G3BP2: variants seen among roughly 807,000 people sequenced by gnomAD.
G3BP2 encodes the protein ras GTPase-activating protein-binding protein 2.
In G3BP2, 11 loss-of-function variants were observed where a neutral mutation model predicts 56.7. The observed-to-expected ratio is 0.19, with a 90% CI of 0.12 to 0.32. The LOEUF (loss-of-function observed/expected upper bound fraction) is 0.32, where lower values mean the gene tolerates loss of function less well. Among genes scored for constraint, G3BP2 ranks in the 10% least tolerant of loss-of-function variants. G3BP2 has a pLI of 1.00. For missense variants in G3BP2, 340 were observed against 610.9 expected (o/e 0.56, Z 4.67); for synonymous variants, 165 against 191.6 (o/e 0.86, Z 1.15).
chr4:75,698,127 A>G (rs1719198116), intron 3 of G3BP2, among the ~76,000 whole-genome samples: 1 of 152,226 alleles, frequency 6.6e-6, no homozygotes, highest in South Asian at 2.1e-4. Flanking sequence ...CTTTGCAGCT[A>G]TGATTAAATT....
At chr4:75,700,711 G>A (rs986237435) in intron 3 of G3BP2, among the ~76,000 whole-genome samples, 4 of 149,500 alleles carry the variant, frequency 2.7e-5, no homozygotes, top group South Asian at 2.1e-4. Context: ...GAGCCACTGC[G>A]CCCAGCTGAG....
upstream of G3BP2, among the ~76,000 whole-genome samples, chr4:75,677,481 G>A (rs1414824626): frequency 1.3e-5 from 2 of 152,040 alleles, no homozygotes; most frequent in African/African-American, 4.8e-5. Context: ...TGAGGCAGGA[G>A]AATCACTTGA....
intron 4 of G3BP2, among the ~76,000 whole-genome samples, chr4:75,657,266 A>C (rs1732189660): frequency 6.6e-6 from 1 of 152,232 alleles, no homozygotes; most frequent in African/African-American, 2.4e-5. Flanking sequence ...TAGAAAAGAA[A>C]CCAAAAGAAC....
intron 3 of G3BP2, among the ~76,000 whole-genome samples, chr4:75,682,477 A>G (rs1400498480): frequency 1.3e-5 from 2 of 151,918 alleles, no homozygotes; most frequent in Non-Finnish European, 2.9e-5. Flanking sequence ...ATATTTTTGG[A>G]TAGCAGTTGA....
chr4:75,705,498 T>C (rs1719511421), intron 3 of G3BP2, among the ~76,000 whole-genome samples: 1 of 152,164 alleles, frequency 6.6e-6, no homozygotes, highest in African/African-American at 2.4e-5. Context: ...AAGCTTATTT[T>C]GAAAAATAAA....
Position 75,645,427 on chromosome 4 carries a change from G to C in G3BP2, c.*3C>G. ...CTGCCAAGACTTTGCCAACAGTGGAGCTTCAGCGACGCTGTCCTGTGAAGC... is the reference window on the plus strand; with the variant it reads ...CTGCCAAGACTTTGCCAACAGTGGACCTTCAGCGACGCTGTCCTGTGAAGC... On this transcript the variant is annotated 3_prime_UTR_variant, in exon 12 of 12. Transcript: ENST00000359707. The C allele has an allele frequency of 1.2e-6, 2 of 1,610,268 alleles. No homozygotes were observed. The highest frequency in any genetic ancestry group is 1.1e-5 in the South Asian group (1 of 90,966).
In G3BP2 at chr4:75,673,281, C is replaced by T. The variant is rs760982412; in HGVS notation, c.-98G>A. Reference sequence around the variant, plus strand: ...CGCTGAGGACCGGGTGCGGCGGGTTCTTATTGCTCGCCGCCCCCTTCCTCC... The same window carrying T: ...CGCTGAGGACCGGGTGCGGCGGGTTTTTATTGCTCGCCGCCCCCTTCCTCC... On this transcript the variant is annotated 5_prime_UTR_variant, in exon 1 of 12. Coordinates refer to ENST00000359707, the MANE Select transcript of G3BP2 (RefSeq NM_203505.3). 1.8e-4 allele frequency: 224 copies of T among 1,222,154 alleles called. No individual in the cohort carries two copies. The highest frequency in any genetic ancestry group is 3.2e-4 in the Middle Eastern group (1 of 3,170). The allele number at this position is 1,222,154 out of a possible 1,614,324, so 75.7% of individuals were successfully genotyped here.
intron 2 of G3BP2, chr4:75,661,709 A>T (rs1732577441): frequency 2.1e-6 from 1 of 466,472 alleles, no homozygotes; most frequent in Non-Finnish European, 3.9e-6. Flanking sequence ...ATATATAGAT[A>T]TGAATGTGTT....
intron 3 of G3BP2, 141 bp from the exon 4 acceptor site, chr4:75,657,871 G>GC (rs1181279172): frequency 1.8e-6 from 1 of 570,532 alleles, no homozygotes; most frequent in Non-Finnish European, 3.1e-6. Context: ...ACCATGCTGT[G>GC]CATCACTGCC....
At chr4:75,655,737 C>A (rs1277091659) in intron 6 of G3BP2, 31 bp downstream of exon 6, 1 of 1,188,126 alleles carries the variant, frequency 8.4e-7, no homozygotes, top group African/African-American at 1.5e-5. Context: ...ATAGTTCAGA[C>A]CAAATTTAAC....
intron 8 of G3BP2, among the ~76,000 whole-genome samples, chr4:75,650,638 T>C (rs1219961982): frequency 6.6e-6 from 1 of 152,276 alleles, no homozygotes; most frequent in East Asian, 1.9e-4. Flanking sequence ...AGTTATAAAA[T>C]GAATATTTTT....
chr4:75,704,074 C>T (rs548005517), intron 3 of G3BP2, among the ~76,000 whole-genome samples: 46 of 150,450 alleles, frequency 3.1e-4, no homozygotes, highest in African/African-American at 1.0e-3. Context: ...GCTGGAGTGC[C>T]GTGGTGTGGT....
chr4:75,674,527 A>T (rs908051540), upstream of G3BP2, among the ~76,000 whole-genome samples: 13 of 151,834 alleles, frequency 8.6e-5, no homozygotes, highest in Non-Finnish European at 1.9e-4. Context: ...ATATTTGGGC[A>T]GACCATCACT....
chr4:75,668,194 A>C (rs1374466092), intron 1 of G3BP2, among the ~76,000 whole-genome samples: 4 of 152,258 alleles, frequency 2.6e-5, no homozygotes. Flanking sequence ...ACATACATGC[A>C]GATTAGAAAA....
chr4:75,702,849 C>T (rs1265345363), intron 3 of G3BP2, among the ~76,000 whole-genome samples: 2 of 152,082 alleles, frequency 1.3e-5, no homozygotes, highest in Non-Finnish European at 1.5e-5. Context: ...GTAAATATAT[C>T]AACAGAAGGA....
Position 75,643,977 on chromosome 4 carries a change from TGTC to T in G3BP2, c.*1450_*1452del, listed in dbSNP as rs1339604393. 6.6e-6 allele frequency: 1 copy of T among 152,624 alleles called. No individual in the cohort carries two copies. Among genetic ancestry groups the T allele is most frequent in the Non-Finnish European group, 1.5e-5 (1 of 68,036 alleles). The allele number at this position is 152,624 out of a possible 1,614,324, so 9.5% of individuals were successfully genotyped here. On this transcript the variant is annotated 3_prime_UTR_variant, in exon 12 of 12. Transcript: ENST00000359707. ...TAAAGATTCATGTAAAAATAAAAGA[TGTC>T]GTCCCAGACTTAAATTCAGGAGCCA...
chr4:75,655,184 T>C lies in G3BP2; in HGVS notation c.608A>G (p.Glu203Gly), dbSNP rs146775757. ...SHEPEPEPES[E>G]TKTEELKPQV... ...TGGTTTCAGCTCTTCAGTCTTTGTT[T>C]CAGATTCTGGCTCAGGTTCAGGTTC... The change falls in exon 7 of 12, where the codon GAA becomes GGA. Residue 203 changes from glutamate to glycine, a missense_variant. This residue lies in a region of G3BP2 where 224 missense variants were observed against 332.5 expected (regional missense o/e 0.67). Transcript: ENST00000359707. 23 of 1,613,704 alleles carry C rather than the reference T, an allele frequency of 1.4e-5. 1 individual carries two copies. In the Admixed American group the frequency reaches 3.5e-4, roughly 25 times the overall value.
At position 75,682,879 on chromosome 4, in the gene G3BP2, A is replaced by G. The variant is rs185922995; in HGVS notation, c.-24-20830T>C. ...TGTGCCTGTAATCCTAGCTACTTGG[A>G]AGGCTGAAGCAGGAGAATTGCTTGA... On this transcript the variant is annotated intron_variant, in intron 3 of 3. Coordinates refer to the G3BP2 transcript ENST00000499709. Among the ~76,000 whole-genome samples, 35 of 151,994 alleles carry G rather than the reference A, an allele frequency of 2.3e-4. No individual in the cohort carries two copies. The East Asian group carries it at 3.7e-3, about 16-fold the overall frequency.
At chr4:75,650,771 T>C (rs967554231) in intron 8 of G3BP2, among the ~76,000 whole-genome samples, 1 of 152,118 alleles carries the variant, frequency 6.6e-6, no homozygotes, top group Non-Finnish European at 1.5e-5. Context: ...GGCACAATCA[T>C]AGCTCACTGT....
Sources: gnomAD v4.1 joint callset for allele counts (sites outside exome capture counted in the v4.1 genomes callset) on GRCh38, gnomAD v4.1.1 for gene constraint, gnomAD v4.1.1 regional missense constraint, MANE v1.5 for transcripts, NCBI Gene and HGNC (gene_info 2026-07-23, HGNC 2026-07-21) for gene names.